The following TNPO3 variants were observed in gnomAD, a reference collection of about 807,000 sequenced individuals.
The protein encoded by TNPO3 is transportin-3.
In TNPO3, 65 loss-of-function variants were observed where a neutral mutation model predicts 122.8. The ratio of observed to expected loss-of-function variants is 0.53; its 90% CI spans 0.43 to 0.65. The LOEUF is 0.65. Ranked by LOEUF, TNPO3 falls within the 30% of genes least tolerant of loss-of-function variation. The probability of loss-of-function intolerance (pLI) is 0.00; values close to 1 mark genes in which losing one functional copy is unlikely to be tolerated. For missense variants in TNPO3, 850 were observed against 1,136.7 expected (o/e 0.75, Z 3.63); for synonymous variants, 372 against 411.2 (o/e 0.90, Z 1.15).
chr7:129,021,063 G>T lies in TNPO3; in HGVS notation c.121-2906C>A, dbSNP rs554048866. Among the ~76,000 whole-genome samples the T allele has an allele frequency of 1.2e-3, 180 of 152,158 alleles. 1 individual carries two copies. The highest frequency in any genetic ancestry group is 4.1e-3 in the African/African-American group (171 of 41,534). On this transcript the variant is annotated intron_variant, in intron 1 of 22. Coordinates refer to ENST00000265388, the MANE Select transcript of TNPO3 (RefSeq NM_012470.4). Reference sequence around the variant, plus strand: ...CAATCTGAGGATGGCAGTTGAAAATGGAGGAGGTTTGGCCGGGCGCGGTGG... The same window carrying T: ...CAATCTGAGGATGGCAGTTGAAAATTGAGGAGGTTTGGCCGGGCGCGGTGG...
intron 4 of TNPO3, among the ~76,000 whole-genome samples, chr7:129,010,267 A>T (rs537459350): frequency 6.6e-6 from 1 of 152,158 alleles, no homozygotes; most frequent in Non-Finnish European, 1.5e-5. Context: ...CCTGGGGTCA[A>T]GTGATCCTTC....
At chr7:128,987,825 T>C (rs2150342382) in intron 11 of TNPO3, among the ~76,000 whole-genome samples, 1 of 152,226 alleles carries the variant, frequency 6.6e-6, no homozygotes, top group Non-Finnish European at 1.5e-5. Flanking sequence ...GTGATACGCC[T>C]ACCTCAGCCT....
At chr7:129,048,000 T>C (rs1471242605) in intron 1 of TNPO3, among the ~76,000 whole-genome samples, 1 of 152,058 alleles carries the variant, frequency 6.6e-6, no homozygotes, top group Admixed American at 6.6e-5. Flanking sequence ...GTGAGAGAAG[T>C]GCTTGAGCCC....
At chr7:129,044,322 CTG>C (rs893619660) in intron 1 of TNPO3, among the ~76,000 whole-genome samples, 49 of 152,174 alleles carry the variant, frequency 3.2e-4, no homozygotes, top group African/African-American at 1.1e-3. Context: ...TTGAAGATAA[CTG>C]TTAAAATATT....
At chr7:129,050,401 A>AAAG (rs1554445189) in intron 1 of TNPO3, among the ~76,000 whole-genome samples, 3 of 80,720 alleles carry the variant, frequency 3.7e-5, no homozygotes, top group African/African-American at 1.0e-4. Flanking sequence ...AAAAAAAAAA[A>AAAG]GGGTGGGGGG....
intron 1 of TNPO3, among the ~76,000 whole-genome samples, chr7:129,042,473 C>T (rs557098048): frequency 1.9e-4 from 29 of 152,198 alleles, no homozygotes; most frequent in African/African-American, 6.7e-4. Context: ...TCAGAATTTC[C>T]CATATCAAGA....
chr7:129,030,384 C>A, intron 1 of TNPO3: 1 of 182,560 alleles, frequency 5.5e-6, no homozygotes, highest in Non-Finnish European at 1.1e-5. Context: ...GATGTCAGGA[C>A]CAGCATCGAA....
At chr7:129,004,932 A>G in intron 5 of TNPO3, 84 bp downstream of exon 5, 2 of 1,438,884 alleles carry the variant, frequency 1.4e-6, no homozygotes, top group Non-Finnish European at 1.9e-6. Flanking sequence ...CTGTGCAAAA[A>G]TTTAAAAACG....
At chr7:129,010,664 A>T (rs1803086456) in intron 4 of TNPO3, among the ~76,000 whole-genome samples, 1 of 152,224 alleles carries the variant, frequency 6.6e-6, no homozygotes. Flanking sequence ...CAACCCTAGC[A>T]TCACTAATAG....
intron 1 of TNPO3, among the ~76,000 whole-genome samples, chr7:129,035,553 C>A (rs575595336): frequency 6.6e-6 from 1 of 152,142 alleles, no homozygotes; most frequent in African/African-American, 2.4e-5. Context: ...GAAGTCAAGG[C>A]CGCAGTGAGC....
At chr7:129,047,606 G>T (rs895936286) in intron 1 of TNPO3, among the ~76,000 whole-genome samples, 1 of 152,156 alleles carries the variant, frequency 6.6e-6, no homozygotes, top group Non-Finnish European at 1.5e-5. Context: ...CACAGTACAG[G>T]CTAAAGCATA....
chr7:128,984,140 G>T (rs775342589), intron 13 of TNPO3, 28 bp downstream of exon 13: 53 of 1,408,120 alleles, frequency 3.8e-5, no homozygotes, highest in Non-Finnish European at 4.9e-5. Context: ...TCTTATATTT[G>T]TTTCACACCT....
At chr7:129,034,196 T>C (rs73228753) in intron 1 of TNPO3, among the ~76,000 whole-genome samples, 3 of 152,308 alleles carry the variant, frequency 2.0e-5, no homozygotes, top group South Asian at 2.1e-4. Context: ...TTCTAACTTA[T>C]ATAAGGTACC....
At chr7:129,042,254 C>T (rs953333423) in intron 1 of TNPO3, among the ~76,000 whole-genome samples, 2 of 152,158 alleles carry the variant, frequency 1.3e-5, no homozygotes, top group Non-Finnish European at 2.9e-5. Context: ...CAGGTTGCTG[C>T]ATTTTTTAAG....
In TNPO3 at chr7:129,048,299, C is replaced by T. The variant is rs558946083; in HGVS notation, c.120+6352G>A. On this transcript the variant is annotated intron_variant, in intron 1 of 22. Coordinates refer to ENST00000265388, the MANE Select transcript of TNPO3 (RefSeq NM_012470.4). The stretch of plus-strand genomic sequence containing the variant: ...ATCCCAGCACTTTGGGAGGCCAAGG[C>T]GGCCAGATCACTTAAGGCCAGGAGT... Among the ~76,000 whole-genome samples, 9 of 152,174 alleles carry T rather than the reference C, an allele frequency of 5.9e-5. No individual in the cohort carries two copies. In the South Asian group the frequency reaches 1.9e-3, roughly 32 times the overall value.
At chr7:128,979,561 T>C (rs185640189) in intron 15 of TNPO3, among the ~76,000 whole-genome samples, 2 of 152,356 alleles carry the variant, frequency 1.3e-5, no homozygotes, top group East Asian at 3.8e-4. Flanking sequence ...TAATTTGTCC[T>C]CTGAAGTCTC....
At chr7:129,004,982 CA>C (rs777311795) in intron 5 of TNPO3, 33 bp downstream of exon 5, 1 of 1,583,732 alleles carries the variant, frequency 6.3e-7, no homozygotes, top group South Asian at 1.2e-5. Context: ...AAGTGATTGG[CA>C]GAAATACTTT....
At chr7:129,051,161 T>C (rs890621324) in intron 1 of TNPO3, among the ~76,000 whole-genome samples, 1 of 149,868 alleles carries the variant, frequency 6.7e-6, no homozygotes, top group African/African-American at 2.5e-5. Context: ...AAAAAAGAGG[T>C]ATTTGATTAC....
Position 128,994,685 on chromosome 7 carries a change from G to C in TNPO3, c.1159-771C>G, listed in dbSNP as rs553579430. ...CTTTTATTTTTATTTTTGAGACAAG[G>C]TCTCGCTCTGTCACCCAGGCTGGAG... On this transcript the variant is annotated intron_variant, in intron 8 of 22. Transcript: ENST00000265388. Among the ~76,000 whole-genome samples the C allele has an allele frequency of 4.0e-5, 6 of 151,298 alleles. No homozygotes were observed. In the East Asian group the frequency reaches 1.2e-3, roughly 30 times the overall value.
Sources: gnomAD v4.1 joint callset for allele counts (sites outside exome capture counted in the v4.1 genomes callset) on GRCh38, gnomAD v4.1.1 for gene constraint, MANE v1.5 for transcripts, NCBI Gene and HGNC (gene_info 2026-07-23, HGNC 2026-07-21) for gene names.